Variants in CERS5 observed in about 807,000 individuals in gnomAD.
The protein encoded by CERS5 is ceramide synthase 5.
Under a neutral mutation model 58.9 loss-of-function variants are expected in CERS5, and 37 were observed. The ratio of observed to expected loss-of-function variants is 0.63; its 90% CI spans 0.48 to 0.83. The LOEUF (loss-of-function observed/expected upper bound fraction) is 0.83, where lower values mean the gene tolerates loss of function less well. Ranked by LOEUF, CERS5 falls within the 40% of genes least tolerant of loss-of-function variation. The pLI, the probability that CERS5 is intolerant of heterozygous loss-of-function variation, is 0.00. For synonymous variants in CERS5, 147 were observed against 177.8 expected, an observed-to-expected ratio of 0.83 and a Z score of 1.38; for missense variants, 398 against 489.3, an observed-to-expected ratio of 0.81 and a Z score of 1.76.
chr12:50,137,740 G>A lies in CERS5; in HGVS notation c.624C>T (p.Asp208=), dbSNP rs201248008. The A allele has an allele frequency of 2.1e-4, 337 of 1,595,106 alleles. No homozygotes were observed. Among genetic ancestry groups the A allele is most frequent in the Admixed American group, 5.2e-4 (31 of 59,390 alleles). ...CCAACGTCCTTACCTTTCTTTTAAT[G>A]TCTGTAAACTGAGAAAACATAAGGG... is the stretch of plus-strand genomic sequence containing the variant. ...YWSLMFSQFT[D]IKRKDFLIMF... is the part of the protein sequence containing the mutation. Residue 208 remains aspartate (D), a synonymous_variant, in exon 6 of 10, where the codon GAC becomes GAT. Transcript: ENST00000317551.
intron 5 of CERS5, 31 bp from the exon 6 acceptor site, chr12:50,137,851 C>T (rs575645059): frequency 4.1e-5 from 59 of 1,444,440 alleles, no homozygotes; most frequent in African/African-American, 2.1e-4. Context: ...GTTAGATTAC[C>T]GGCTAGTCAA....
chr12:50,161,723 G>T (rs1399914577), intron 1 of CERS5, among the ~76,000 whole-genome samples: 3 of 133,846 alleles, frequency 2.2e-5, no homozygotes, highest in African/African-American at 8.5e-5. Context: ...GCTGCAATGA[G>T]CTGAGATCAA....
chr12:50,153,418 T>TA (rs1938203540), intron 1 of CERS5, among the ~76,000 whole-genome samples: 1 of 151,372 alleles, frequency 6.6e-6, no homozygotes, highest in Admixed American at 6.6e-5. Context: ...TAGCTGGGAC[T>TA]AGAGGCATGC....
intron 1 of CERS5, chr12:50,165,263 C>CA (rs1462773020): frequency 6.6e-6 from 1 of 151,936 alleles, no homozygotes; most frequent in Non-Finnish European, 1.5e-5. Context: ...ACTAAAAATA[C>CA]AAAAAATTAG....
At chr12:50,136,451 C>T (rs1353785539) in intron 6 of CERS5, among the ~76,000 whole-genome samples, 3 of 147,770 alleles carry the variant, frequency 2.0e-5, no homozygotes, top group Admixed American at 1.4e-4. Flanking sequence ...CCAGCCTGGG[C>T]GACAGACTGA....
At chr12:50,143,247 C>T (rs1952076276) in intron 2 of CERS5, 43 bp from the exon 3 acceptor site, 3 of 1,608,760 alleles carry the variant, frequency 1.9e-6, no homozygotes, top group African/African-American at 1.3e-5. Flanking sequence ...TCTCCTCATA[C>T]CCCTCCTTCA....
At chr12:50,134,511 A>G (rs757849002) in intron 9 of CERS5, 35 bp downstream of exon 9, 45 of 1,613,942 alleles carry the variant, frequency 2.8e-5, no homozygotes, top group South Asian at 4.4e-5. Flanking sequence ...CCTATCTTCC[A>G]TACCCAAAAG....
chr12:50,161,784 G>GAAGAAAAAAAAAAA (rs1939294125), intron 1 of CERS5, among the ~76,000 whole-genome samples: 1 of 90,862 alleles, frequency 1.1e-5, no homozygotes, highest in Non-Finnish European at 1.9e-5. Context: ...CTCAAAAAAA[G>GAAGAAAAAAAAAAA]AAAAAAAAAA....
intron 6 of CERS5, 24 bp from the exon 7 acceptor site, chr12:50,136,093 A>T: frequency 1.4e-6 from 2 of 1,474,868 alleles, no homozygotes; most frequent in Non-Finnish European, 1.8e-6. Flanking sequence ...GAAATAGAAG[A>T]GGGAGGTAAA....
At chr12:50,131,201 A>C (rs574818248) in intron 9 of CERS5, among the ~76,000 whole-genome samples, 1 of 152,238 alleles carries the variant, frequency 6.6e-6, no homozygotes, top group African/African-American at 2.4e-5. Context: ...AACTACCACT[A>C]TCCTATGACA....
In CERS5 at chr12:50,167,265, C is replaced by T. The variant is rs200644799; in HGVS notation, c.33G>A (p.Leu11=). The T allele has an allele frequency of 9.6e-5, 152 of 1,586,224 alleles. No individual in the cohort carries two copies. Among genetic ancestry groups the T allele is most frequent in the Non-Finnish European group, 1.2e-4 (137 of 1,171,100 alleles). The change falls in exon 1 of 10, where the codon TTG becomes TTA. Residue 11 remains leucine, a synonymous_variant. Transcript: ENST00000317551. ...GCTCGCTCCACAGCCAGCCCCACAG[C>T]AAGCTTAGGGGTCCCTGCGCTGCTG... The part of the protein sequence containing the change: MATAAQGPLS[L]LWGWLWSERF...
At chr12:50,162,084 G>A (rs972501201) in intron 1 of CERS5, among the ~76,000 whole-genome samples, 1 of 151,134 alleles carries the variant, frequency 6.6e-6, no homozygotes. Flanking sequence ...CCATGTTGGC[G>A]AGGCCGGTCT....
Position 50,129,771 on chromosome 12 carries a change from T to A in CERS5, c.*774A>T, listed in dbSNP as rs1391995003. On this transcript the variant is annotated 3_prime_UTR_variant, in exon 10 of 10. Transcript: ENST00000317551. ...TGGATTCAGGAAACTGCGGATAGAG[T>A]CACTGAAGAGGTTGAGACAGTAGAG... 1 of 152,094 alleles carries A rather than the reference T, an allele frequency of 6.6e-6. No homozygotes were observed. The highest frequency in any genetic ancestry group is 1.5e-5 in the Non-Finnish European group (1 of 68,050). 9.4% of individuals were successfully genotyped at this position (152,094 alleles called of 1,614,324 possible). A position where few individuals can be genotyped will look rare whatever the true frequency, so the allele number is the denominator to read the frequency against.
intron 1 of CERS5, among the ~76,000 whole-genome samples, chr12:50,160,342 G>A (rs1939145807): frequency 2.0e-5 from 3 of 150,474 alleles, no homozygotes; most frequent in Non-Finnish European, 1.5e-5. Context: ...AAAGAAAAAA[G>A]GAAATAAATG....
intron 9 of CERS5, chr12:50,133,742 T>C (rs1382925731): frequency 3.5e-5 from 34 of 985,390 alleles, no homozygotes; most frequent in African/African-American, 5.2e-5. Context: ...AGGAAGAAGG[T>C]AGAACTTTCC....
At chr12:50,156,776 T>C (rs1938705747) in intron 1 of CERS5, among the ~76,000 whole-genome samples, 1 of 152,120 alleles carries the variant, frequency 6.6e-6, no homozygotes, top group African/African-American at 2.4e-5. Flanking sequence ...AAGGAAATTA[T>C]GTAGCTGGGC....
intron 1 of CERS5, chr12:50,165,960 A>G (rs1565814146): frequency 4.4e-6 from 2 of 454,666 alleles, no homozygotes; most frequent in Admixed American, 4.7e-5. Flanking sequence ...CAAACATATG[A>G]TCCATTCACT....
chr12:50,159,004 G>C (rs1938965235), intron 1 of CERS5, among the ~76,000 whole-genome samples: 1 of 151,856 alleles, frequency 6.6e-6, no homozygotes, highest in Admixed American at 6.6e-5. Context: ...AGCAATGCTT[G>C]GCTAGAAGCA....
At chr12:50,133,869 A>T (rs1442655680) in intron 9 of CERS5, 24 of 529,210 alleles carry the variant, frequency 4.5e-5, no homozygotes, top group Non-Finnish European at 4.6e-5. Flanking sequence ...GTCGGGAGTT[A>T]GAGACCAGCC....
Sources: gnomAD v4.1 joint callset for allele counts (sites outside exome capture counted in the v4.1 genomes callset) on GRCh38, gnomAD v4.1.1 for gene constraint, MANE v1.5 for transcripts, NCBI Gene and HGNC (gene_info 2026-07-23, HGNC 2026-07-21) for gene names.